ZFHX3: variants seen among roughly 807,000 people sequenced by gnomAD.
ZFHX3 encodes zinc finger homeobox 3.
A neutral mutation model predicts 279.1 loss-of-function variants in ZFHX3; 42 were observed. The observed-to-expected ratio is 0.15, with a 90% CI of 0.12 to 0.19. The LOEUF is 0.19. ZFHX3 is among the 10% of genes least tolerant of loss of function. The probability of loss-of-function intolerance (pLI) is 1.00; values close to 1 mark genes in which losing one functional copy is unlikely to be tolerated. For missense variants in ZFHX3, 4,981 were observed against 4,754.0 expected (o/e 1.05, Z -1.40); for synonymous variants, 2,293 against 1,957.8 (o/e 1.17, Z -4.52).
intron 4 of ZFHX3, chr16:73,294,402 G>C (rs943753694): frequency 2.0e-5 from 3 of 152,240 alleles, no homozygotes; most frequent in African/African-American, 4.8e-5. Flanking sequence ...TCATATTGAA[G>C]TTTTCTACAA....
At chr16:73,633,495 G>C (rs879162822) in intron 2 of ZFHX3, among the ~76,000 whole-genome samples, 2 of 152,166 alleles carry the variant, frequency 1.3e-5, no homozygotes, top group Admixed American at 1.3e-4. Flanking sequence ...GGAAAGTGAG[G>C]GGGCAATGAT....
At chr16:73,050,798 C>T (rs1965433775), upstream of ZFHX3, among the ~76,000 whole-genome samples, 1 of 152,294 alleles carries the variant, frequency 6.6e-6, no homozygotes, top group East Asian at 1.9e-4. Context: ...ATTCTTCCCT[C>T]GCAGTTCTCC....
At chr16:73,293,369 G>T (rs1174335831) in intron 4 of ZFHX3, among the ~76,000 whole-genome samples, 1 of 152,176 alleles carries the variant, frequency 6.6e-6, no homozygotes, top group East Asian at 1.9e-4. Flanking sequence ...TGACTGATTT[G>T]CAGGAGGAGA....
intron 2 of ZFHX3, among the ~76,000 whole-genome samples, chr16:73,493,224 A>T (rs1315881120): frequency 6.6e-6 from 1 of 152,096 alleles, no homozygotes; most frequent in African/African-American, 2.4e-5. Flanking sequence ...CTTGCCATGA[A>T]CCTATCTGGT....
intron 8 of ZFHX3, chr16:73,092,762 T>C: frequency 2.8e-6 from 1 of 360,702 alleles, no homozygotes; most frequent in Non-Finnish European, 5.4e-6. Context: ...AATAAACACT[T>C]TGTCTTCACC....
chr16:73,279,719 C>A (rs1177850798), intron 4 of ZFHX3, among the ~76,000 whole-genome samples: 1 of 152,134 alleles, frequency 6.6e-6, no homozygotes, highest in Non-Finnish European at 1.5e-5. Flanking sequence ...AGGCTGAAGA[C>A]ATGAGGACAT....
intron 3 of ZFHX3, among the ~76,000 whole-genome samples, chr16:73,440,796 C>T (rs893628452): frequency 6.6e-6 from 1 of 152,164 alleles, no homozygotes; most frequent in African/African-American, 2.4e-5. Context: ...AACAAATTCC[C>T]CCAGCTCCCA....
chr16:73,180,227 C>A (rs995467421), intron 5 of ZFHX3, among the ~76,000 whole-genome samples: 4 of 152,180 alleles, frequency 2.6e-5, no homozygotes, highest in Admixed American at 6.5e-5. Flanking sequence ...GAAACGCAGG[C>A]TTGCTGTACA....
chr16:73,231,764 T>C (rs571104649), intron 5 of ZFHX3, among the ~76,000 whole-genome samples: 1 of 152,340 alleles, frequency 6.6e-6, no homozygotes, highest in East Asian at 1.9e-4. Flanking sequence ...TTCCATTCTT[T>C]GTCTCCTGTA....
chr16:73,396,534 T>C (rs935926778), intron 3 of ZFHX3, among the ~76,000 whole-genome samples: 5 of 152,198 alleles, frequency 3.3e-5, no homozygotes, highest in Non-Finnish European at 7.3e-5. Context: ...GAGATTTAAC[T>C]GACTCACAGT....
intron 3 of ZFHX3, among the ~76,000 whole-genome samples, chr16:72,926,998 T>C (rs1019040437): frequency 6.6e-6 from 1 of 152,220 alleles, no homozygotes; most frequent in Non-Finnish European, 1.5e-5. Context: ...TTAGGAACCA[T>C]GAGCTGGAGG....
At chr16:73,663,222 A>T (rs2052803358) in intron 2 of ZFHX3, among the ~76,000 whole-genome samples, 2 of 152,218 alleles carry the variant, frequency 1.3e-5, no homozygotes, top group African/African-American at 4.8e-5. Context: ...CACAACAAGA[A>T]CATCTGAAAT....
chr16:73,324,166 C>T (rs1168650604), intron 3 of ZFHX3, among the ~76,000 whole-genome samples: 1 of 152,238 alleles, frequency 6.6e-6, no homozygotes, highest in Non-Finnish European at 1.5e-5. Context: ...GACTCATATT[C>T]ACAGTTGCAA....
At chr16:72,907,585 GTGTGTGTGTGTGTGTGTGTGTTGTGTGTA>G (rs1419487046) in intron 3 of ZFHX3, among the ~76,000 whole-genome samples, 31 of 150,190 alleles carry the variant, frequency 2.1e-4, no homozygotes, top group African/African-American at 7.2e-4. Context: ...GTGTGTGTGT[GTGTGTGTGTGTGTGTGTGTGTTGTGTGTA>G]TGCACACAGG....
chr16:73,703,511 T>C (rs988090913), intron 1 of ZFHX3, among the ~76,000 whole-genome samples: 8 of 149,192 alleles, frequency 5.4e-5, no homozygotes, highest in African/African-American at 2.0e-4. Flanking sequence ...AAAATTGATG[T>C]GGGAAGGGGA....
intron 3 of ZFHX3, among the ~76,000 whole-genome samples, chr16:73,449,219 G>A (rs909675438): frequency 4.6e-5 from 7 of 152,174 alleles, no homozygotes; most frequent in African/African-American, 1.7e-4. Context: ...CCCAGCTAAT[G>A]TGTCCTTTCA....
intron 7 of ZFHX3, chr16:72,808,132 T>A (rs1597258162): frequency 6.6e-6 from 1 of 152,252 alleles, no homozygotes; most frequent in Non-Finnish European, 1.5e-5. Context: ...TCCCGTGGCA[T>A]GATTTTAACC....
intron 2 of ZFHX3, among the ~76,000 whole-genome samples, chr16:73,526,997 A>T (rs900734685): frequency 6.6e-6 from 1 of 152,046 alleles, no homozygotes; most frequent in East Asian, 1.9e-4. Flanking sequence ...TTCCAATATA[A>T]GAGACAACTA....
At chr16:72,964,782 C>G (rs1961753570) in intron 1 of ZFHX3, among the ~76,000 whole-genome samples, 1 of 152,132 alleles carries the variant, frequency 6.6e-6, no homozygotes, top group Admixed American at 6.5e-5. Context: ...TCCTCATACC[C>G]ACACTAGGAG....
Sources: gnomAD v4.1 joint callset for allele counts (sites outside exome capture counted in the v4.1 genomes callset) on GRCh38, gnomAD v4.1.1 for gene constraint, MANE v1.5 for transcripts, NCBI Gene and HGNC (gene_info 2026-07-23, HGNC 2026-07-21) for gene names.